UGT2B11: variants seen among roughly 807,000 people sequenced by gnomAD.
UGT2B11 encodes the protein UDP glucuronosyltransferase family 2 member B11.
Under a neutral mutation model 51.7 loss-of-function variants are expected in UGT2B11, and 49 were observed. The ratio of observed to expected loss-of-function variants is 0.95; its 90% CI spans 0.75 to 1.20. The LOEUF (loss-of-function observed/expected upper bound fraction) is 1.20. Among genes scored for constraint, UGT2B11 ranks in the 50% most tolerant of loss-of-function variants. The probability of loss-of-function intolerance (pLI) is 0.00; values close to 1 mark genes in which losing one functional copy is unlikely to be tolerated. For synonymous variants in UGT2B11, 273 were observed against 209.0 expected, an observed-to-expected ratio of 1.31 and a Z score of -2.64; for missense variants, 810 against 622.1, an observed-to-expected ratio of 1.30 and a Z score of -3.21.
intron 3 of UGT2B11, 146 bp from the exon 4 acceptor site, chr4:69,205,713 T>C: frequency 1.1e-6 from 1 of 923,862 alleles, no homozygotes; most frequent in Non-Finnish European, 1.5e-6. Flanking sequence ...TACTCACATT[T>C]TATTTTCTTA....
At chr4:69,219,724 C>G (rs1722364595), upstream of UGT2B11, among the ~76,000 whole-genome samples, 1 of 151,902 alleles carries the variant, frequency 6.6e-6, no homozygotes, top group Non-Finnish European at 1.5e-5. Flanking sequence ...CACTTATTCA[C>G]TATCATGGGA....
chr4:69,208,248 A>C (rs1721930612), intron 3 of UGT2B11, 103 bp downstream of exon 3: 16 of 1,567,192 alleles, frequency 1.0e-5, no homozygotes, highest in African/African-American at 2.8e-5. Context: ...ATGTATTTGG[A>C]TGTAAAGAGT....
In UGT2B11 at chr4:69,214,556, A is replaced by G. The variant is rs371609283; in HGVS notation, c.167T>C (p.Leu56Pro). 1.9e-6 allele frequency: 3 copies of G among 1,613,222 alleles called. No individual in the cohort carries two copies. In the African/African-American group the frequency reaches 4.0e-5, roughly 22 times the overall value. Residue 56 changes from leucine to proline, a missense_variant, in exon 1 of 6, where the codon CTG (leucine) becomes CCG (proline). By Grantham distance (98) the Leu-to-Pro change is moderately conservative (BLOSUM62 -3). Transcript: ENST00000446444. ...LVQRGHEVTV[L>P]ASSASILFDP... The stretch of plus-strand genomic sequence containing the variant: ...AAAAAGAATGGAAGCTGAAGATGCC[A>G]GTACAGTCACCTCATGACCTCTCTG...
chr4:69,200,433 G>C lies in UGT2B11; in HGVS notation c.*7C>G. 6.2e-7 allele frequency: 1 copy of C among 1,603,524 alleles called. No homozygotes were observed. The highest frequency in any genetic ancestry group is 8.5e-7 in the Non-Finnish European group (1 of 1,174,858). On this transcript the variant is annotated 3_prime_UTR_variant, in exon 6 of 6. Coordinates refer to ENST00000446444, the MANE Select transcript of UGT2B11 (RefSeq NM_001073.3). ...TCTGGTTTTCCAGCTTCAAATGTCA[G>C]ACATAACTAATCTCTTTTTCCCTTC...
chr4:69,214,891 A>G, upstream of UGT2B11: 3 of 1,054,076 alleles, frequency 2.8e-6, no homozygotes, highest in South Asian at 1.8e-5. Context: ...CGATTACTTC[A>G]TATTTACTCA....
the UGT2B11 span, among the ~76,000 whole-genome samples, chr4:69,222,676 T>C: frequency 5.9e-5 from 9 of 152,200 alleles, no homozygotes; most frequent in African/African-American, 2.2e-4. Context: ...ACTGTCCATG[T>C]GAGATCAAAG....
At chr4:69,214,751 G>C, upstream of UGT2B11, 1 of 1,600,938 alleles carries the variant, frequency 6.2e-7, no homozygotes, top group East Asian at 2.2e-5. Context: ...TTCTTTTCCA[G>C]TCACTGTTTC....
chr4:69,213,522 T>C (rs1013743363), intron 1 of UGT2B11, among the ~76,000 whole-genome samples: 5 of 151,764 alleles, frequency 3.3e-5, no homozygotes, highest in Non-Finnish European at 7.4e-5. Flanking sequence ...ATTATCTCTC[T>C]CTACTGTGAA....
At chr4:69,220,130 G>A in the UGT2B11 span, among the ~76,000 whole-genome samples, 1 of 152,186 alleles carries the variant, frequency 6.6e-6, no homozygotes, top group East Asian at 1.9e-4. Context: ...CAGGCTCCAT[G>A]CAAGTCCGAA....
At chr4:69,208,854 T>C (rs1163701884) in intron 2 of UGT2B11, among the ~76,000 whole-genome samples, 3 of 151,656 alleles carry the variant, frequency 2.0e-5, no homozygotes, top group Non-Finnish European at 4.4e-5. Context: ...TCGGCTTTAA[T>C]CCTATGTTTT....
intron 5 of UGT2B11, among the ~76,000 whole-genome samples, chr4:69,203,785 T>C (rs1477870971): frequency 1.3e-5 from 2 of 151,828 alleles, no homozygotes; most frequent in East Asian, 3.9e-4. Context: ...ATATGAAATA[T>C]CTAGAGAGAA....
rs184843752 is a variant in UGT2B11, at chr4:69,208,526, G to A, written c.871-44C>T. ...TTCATCACAAAAGAGTATCACCACA[G>A]CAGGCACTACTGAAAGAATTGGTAC... On this transcript the variant is annotated intron_variant, in intron 2 of 5. Transcript: ENST00000446444. 9,077 of 1,597,090 alleles carry A rather than the reference G, an allele frequency of 5.7e-3. 68 individuals carry two copies. The highest frequency in any genetic ancestry group is 0.022 in the South Asian group (1,950 of 88,546).
the UGT2B11 span, among the ~76,000 whole-genome samples, chr4:69,224,596 T>C: frequency 9.2e-5 from 14 of 152,074 alleles, no homozygotes; most frequent in African/African-American, 3.4e-4. Context: ...GGTCTGATCA[T>C]ACTCACCACG....
At chr4:69,203,078 A>C (rs1375796069) in intron 5 of UGT2B11, among the ~76,000 whole-genome samples, 1 of 151,664 alleles carries the variant, frequency 6.6e-6, no homozygotes, top group Non-Finnish European at 1.5e-5. Context: ...AAAAGTAAAA[A>C]GTTAGTGCAC....
At chr4:69,209,049 G>C (rs181171961) in intron 2 of UGT2B11, among the ~76,000 whole-genome samples, 197 of 151,686 alleles carry the variant, frequency 1.3e-3, no homozygotes, top group African/African-American at 4.4e-3. Context: ...AAGTTTGTCA[G>C]AGTTTTCCAG....
At position 69,200,347 on chromosome 4, in the gene UGT2B11, A is replaced by C; in HGVS notation, c.*93T>G. On this transcript the variant is annotated 3_prime_UTR_variant, in exon 6 of 6. Coordinates refer to ENST00000446444, the MANE Select transcript of UGT2B11 (RefSeq NM_001073.3). ...TTTTTTTTTTTTTGTCACAGGAAGAAAGAAATCTTGCATAACAATCTTTTC... is the reference window on the plus strand; with the variant it reads ...TTTTTTTTTTTTTGTCACAGGAAGACAGAAATCTTGCATAACAATCTTTTC... 4.7e-6 allele frequency: 6 copies of C among 1,268,034 alleles called. No homozygotes were observed. Among genetic ancestry groups the C allele is most frequent in the Non-Finnish European group, 6.1e-6 (6 of 979,406 alleles). 78.5% of individuals were successfully genotyped at this position (1,268,034 alleles called of 1,614,324 possible). A position where few individuals can be genotyped will look rare whatever the true frequency, so the allele number is the denominator to read the frequency against.
At chr4:69,212,350 A>T (rs561972464) in intron 2 of UGT2B11, among the ~76,000 whole-genome samples, 2 of 151,526 alleles carry the variant, frequency 1.3e-5, no homozygotes, top group African/African-American at 4.8e-5. Context: ...TCAACCCTAC[A>T]TTCAAAGTCT....
At chr4:69,202,800 C>T (rs1485029897) in intron 5 of UGT2B11, among the ~76,000 whole-genome samples, 2 of 151,568 alleles carry the variant, frequency 1.3e-5, no homozygotes, top group African/African-American at 4.8e-5. Context: ...GTTTGTGTTT[C>T]TTTTCAATTA....
chr4:69,206,747 C>G (rs1305319310), intron 3 of UGT2B11, among the ~76,000 whole-genome samples: 1 of 151,328 alleles, frequency 6.6e-6, no homozygotes, highest in East Asian at 2.0e-4. Flanking sequence ...TTAGTAATGA[C>G]CTGTATGTTT....
Sources: gnomAD v4.1 joint callset for allele counts (sites outside exome capture counted in the v4.1 genomes callset) on GRCh38, gnomAD v4.1.1 for gene constraint, MANE v1.5 for transcripts, NCBI Gene and HGNC (gene_info 2026-07-23, HGNC 2026-07-21) for gene names.